The following BRAT1 variants were observed in gnomAD, a reference collection of about 807,000 sequenced individuals.
The protein encoded by BRAT1 is integrator complex assembly factor BRAT1.
BRAT1 carries 74 observed loss-of-function variants against 70.6 expected under a neutral mutation model. The observed-to-expected ratio is 1.05, with a 90% CI of 0.87 to 1.27. The LOEUF is 1.27. Ranked by LOEUF, BRAT1 falls within the 50% of genes most tolerant of loss-of-function variation. The pLI, the probability that BRAT1 is intolerant of heterozygous loss-of-function variation, is 0.00. For missense variants in BRAT1, 1,203 were observed against 1,098.2 expected, an observed-to-expected ratio of 1.10 and a Z score of -1.35; for synonymous variants, 615 against 517.1, an observed-to-expected ratio of 1.19 and a Z score of -2.57.
At chr7:2,552,826 C>A (rs1413001035) in intron 2 of BRAT1, among the ~76,000 whole-genome samples, 5 of 151,808 alleles carry the variant, frequency 3.3e-5, no homozygotes, top group South Asian at 4.2e-4. Context: ...GCAAGCTCTG[C>A]CTCCTGTGTT....
At position 2,543,334 on chromosome 7, in the gene BRAT1, AC is replaced by A; in HGVS notation, c.804-12del. 1.9e-6 allele frequency: 3 copies of A among 1,568,570 alleles called. No individual in the cohort carries two copies. Among genetic ancestry groups the A allele is most frequent in the Non-Finnish European group, 2.6e-6 (3 of 1,157,980 alleles). ...CTGAACACGGGAGAACTGCAGGGAG[AC>A]CCCAGAGAGAAAAATTACTCCCCCA... On this transcript the variant is annotated splice_polypyrimidine_tract_variant and intron_variant, in intron 5 of 13. Coordinates refer to ENST00000340611, the MANE Select transcript of BRAT1 (RefSeq NM_152743.4). The surrounding 1 kb of genome is among the most constrained non-coding windows in gnomAD (Gnocchi z 5.5).
chr7:2,555,463 C>G (rs1252977819), intron 1 of BRAT1, 24 bp downstream of exon 1: 1 of 152,330 alleles, frequency 6.6e-6, no homozygotes, highest in Non-Finnish European at 1.5e-5. Context: ...ACGACCTCGA[C>G]CCCCGAAGGC....
At chr7:2,549,119 G>C (rs1431101214) in intron 2 of BRAT1, among the ~76,000 whole-genome samples, 2 of 152,116 alleles carry the variant, frequency 1.3e-5, no homozygotes, top group Non-Finnish European at 2.9e-5. Context: ...GAGGTCCTTC[G>C]GTTGCCTGGA....
At chr7:2,554,889 C>T (rs1014727049) in intron 1 of BRAT1, among the ~76,000 whole-genome samples, 2 of 152,056 alleles carry the variant, frequency 1.3e-5, no homozygotes, top group African/African-American at 4.8e-5. Flanking sequence ...TCCCTCCCAG[C>T]GTCAAGTGGT....
At chr7:2,552,393 T>C (rs1203108485) in intron 2 of BRAT1, among the ~76,000 whole-genome samples, 3 of 150,710 alleles carry the variant, frequency 2.0e-5, no homozygotes, top group Non-Finnish European at 4.4e-5. Flanking sequence ...GCTGGGATTA[T>C]AGGCATGAAC....
In BRAT1 at chr7:2,538,350, T is replaced by C. The variant is rs1265467353; in HGVS notation, c.2185A>G (p.Lys729Glu). Residue 729 changes from lysine to glutamate, a missense_variant, in exon 14 of 14, where the codon AAG becomes GAG. Lys to Glu is a moderately conservative substitution (Grantham distance 56). Transcript: ENST00000340611. Reference sequence around the variant, plus strand: ...CGCAGGCTGCTGTAGGAAGCAATCTTGTCCCTCAGGAAGAGAAGGAGGTCA... The same window carrying C: ...CGCAGGCTGCTGTAGGAAGCAATCTCGTCCCTCAGGAAGAGAAGGAGGTCA... ...SCDLLLFLRD[K>E]IASYSSLREA... The C allele has an allele frequency of 1.9e-6, 3 of 1,613,342 alleles. No homozygotes were observed. The highest frequency in any genetic ancestry group is 2.5e-6 in the Non-Finnish European group (3 of 1,179,938).
At position 2,544,957 on chromosome 7, in the gene BRAT1, G is replaced by A. The variant is rs770461144; in HGVS notation, c.382C>T (p.Arg128Cys). 96 of 1,560,552 alleles carry A rather than the reference G, an allele frequency of 6.2e-5. No individual in the cohort carries two copies. The highest frequency in any genetic ancestry group is 2.1e-4 in the Admixed American group (11 of 51,514). ...GCGCTGGGGTGCTGTGCCAGGGAGC[G>A]CAGGCCCTGGATCCAGCCGCTGCGC... is the stretch of plus-strand genomic sequence containing the variant. ...TVRSGWIQGL[R>C]SLAQHPSALR... Residue 128 changes from arginine (R) to cysteine (C), a missense_variant, in exon 4 of 14, where the codon CGC (arginine) becomes TGC (cysteine). Coordinates refer to ENST00000340611, the MANE Select transcript of BRAT1 (RefSeq NM_152743.4).
chr7:2,547,239 T>C lies in BRAT1; in HGVS notation c.282+85A>G, dbSNP rs553607338. 132 of 1,532,670 alleles carry C rather than the reference T, an allele frequency of 8.6e-5. No homozygotes were observed. In the Middle Eastern group the frequency reaches 3.5e-3, roughly 41 times the overall value. 94.9% of individuals were successfully genotyped at this position (1,532,670 alleles called of 1,614,324 possible). ...AGGCCGCTGGGACTTGGGATGGTGA[T>C]GGCTACAAATGCCCCACCTGGCTGC... On this transcript the variant is annotated intron_variant, in intron 3 of 13. Transcript: ENST00000340611.
intron 3 of BRAT1, among the ~76,000 whole-genome samples, chr7:2,546,290 A>T (rs146751772): frequency 1.9e-3 from 290 of 152,116 alleles, no homozygotes; most frequent in African/African-American, 6.7e-3. Flanking sequence ...AAGATAACAA[A>T]GTTAGCCAGG....
At chr7:2,544,524 G>A (rs1221299334) in intron 4 of BRAT1, among the ~76,000 whole-genome samples, 1 of 151,920 alleles carries the variant, frequency 6.6e-6, no homozygotes, top group Non-Finnish European at 1.5e-5. Context: ...TTTTTGAGAC[G>A]GGGTCTTGCT....
Position 2,543,027 on chromosome 7 carries a change from A to G in BRAT1, c.923+177T>C. On this transcript the variant is annotated intron_variant, in intron 6 of 13. Transcript: ENST00000340611. The surrounding 1 kb of genome is among the most constrained non-coding windows in gnomAD (Gnocchi z 5.5). ...GGTCTGAAACAATTATTCTGTTGCT[A>G]AAGAACCTTCAGAAGCTGCCGCGCG... is the stretch of plus-strand genomic sequence containing the variant. 3.1e-6 allele frequency: 2 copies of G among 652,630 alleles called. No individual in the cohort carries two copies. Among genetic ancestry groups the G allele is most frequent in the East Asian group, 6.7e-5 (2 of 29,808 alleles). The allele number at this position is 652,630 out of a possible 1,614,324, so 40.4% of individuals were successfully genotyped here.
rs538096996 is a variant in BRAT1 at position 2,539,726 on chromosome 7, C to A, written c.1498+60G>T. 380 of 1,557,280 alleles carry A rather than the reference C, an allele frequency of 2.4e-4. 1 individual carries two copies. The African/African-American group carries it at 4.8e-3, about 20-fold the overall frequency. On this transcript the variant is annotated intron_variant, in intron 11 of 13. Coordinates refer to ENST00000340611, the MANE Select transcript of BRAT1 (RefSeq NM_152743.4). ...AGCCAGCTGAGCCATTCCACCCAGC[C>A]CCTGCTGCCTCCACCCCTGCGACTC...
intron 4 of BRAT1, chr7:2,544,196 T>C (rs902514929): frequency 2.9e-6 from 1 of 345,922 alleles, no homozygotes; most frequent in Admixed American, 5.5e-5. Context: ...CGTTCCTTCT[T>C]GTTGTTTTTT....
rs1778954470 is a variant in BRAT1 at position 2,539,299 on chromosome 7, G to C, written c.1650C>G (p.Ala550=). 9 of 1,611,948 alleles carry C rather than the reference G, an allele frequency of 5.6e-6. No individual in the cohort carries two copies. Among genetic ancestry groups the C allele is most frequent in the Non-Finnish European group, 7.6e-6 (9 of 1,179,820 alleles). Residue 550 remains alanine, a synonymous_variant, in exon 13 of 14, where the codon GCC becomes GCG. Transcript: ENST00000340611. Reference sequence around the variant, plus strand: ...TCTCAGGGTCCTGGAGGAGCTGCAGGGCCAGCTGAGGCACCTCTGAAGCCA... The same window carrying C: ...TCTCAGGGTCCTGGAGGAGCTGCAGCGCCAGCTGAGGCACCTCTGAAGCCA... The part of the protein sequence containing the change: ...ALLASEVPQL[A]LQLLQDPESY...
At chr7:2,555,072 T>C (rs1428678752) in intron 1 of BRAT1, among the ~76,000 whole-genome samples, 1 of 106,008 alleles carries the variant, frequency 9.4e-6, no homozygotes, top group African/African-American at 3.7e-5. Flanking sequence ...CCAGGATTAG[T>C]GGTGGCTGCA....
At position 2,544,208 on chromosome 7, in the gene BRAT1, T is replaced by TTTTG. The variant is rs1161745900; in HGVS notation, c.431-247_431-246insCAAA. Reference sequence around the variant, plus strand: ...ATTCGTTCCTTCTTGTTGTTTTTTTTTTTTTTTTTTTTGAGACAGAGTCTT... The same window carrying TTTTG: ...ATTCGTTCCTTCTTGTTGTTTTTTTTTTTGTTTTTTTTTTTTGAGACAGAGTCTT... On this transcript the variant is annotated intron_variant, in intron 4 of 13. Coordinates refer to ENST00000340611, the MANE Select transcript of BRAT1 (RefSeq NM_152743.4). 8.9e-5 allele frequency: 33 copies of TTTTG among 372,424 alleles called. 1 individual carries two copies. The highest frequency in any genetic ancestry group is 7.4e-4 in the African/African-American group (33 of 44,644). 23.1% of individuals were successfully genotyped at this position (372,424 alleles called of 1,614,324 possible).
At chr7:2,538,836 T>A in intron 13 of BRAT1, 72 bp from the exon 14 acceptor site, 1 of 1,571,588 alleles carries the variant, frequency 6.4e-7, no homozygotes, top group Non-Finnish European at 8.6e-7. Flanking sequence ...AGGACTCCGG[T>A]ACATGATGGG....
Position 2,539,231 on chromosome 7 carries a change from G to C in BRAT1, c.1718C>G (p.Ser573Cys). 1.2e-6 allele frequency: 2 copies of C among 1,611,036 alleles called. No homozygotes were observed. The highest frequency in any genetic ancestry group is 1.7e-6 in the Non-Finnish European group (2 of 1,179,766). Residue 573 changes from serine to cysteine, a missense_variant, in exon 13 of 14, where the codon TCC becomes TGC. Ser to Cys is a moderately radical substitution (Grantham distance 112). Transcript: ENST00000340611. ...ASAVTAMGQL[S>C]SQGLHAPTSP... is the part of the protein sequence containing the mutation. ...GGTGGGGGCGTGCAGGCCCTGGCTG[G>C]ACAGCTGCCCCATGGCGGTCACTGC...
chr7:2,538,247 G>T lies in BRAT1; in HGVS notation c.2288C>A (p.Pro763His). The change falls in exon 14 of 14, where the codon CCC becomes CAC. Residue 763 changes from proline (P) to histidine (H), a missense_variant. Coordinates refer to ENST00000340611, the MANE Select transcript of BRAT1 (RefSeq NM_152743.4). ...AGCCTCAGGCTCCTGGTCCCCTGGG[G>T]GCTGGGCCTGCTCACCCGCCCGCCA... ...PRWRAGEQAQ[P>H]PGDQEPEAVL... 1 of 1,610,506 alleles carries T rather than the reference G, an allele frequency of 6.2e-7. No individual in the cohort carries two copies.
Sources: allele counts gnomAD v4.1 joint callset (sites outside exome capture counted in the v4.1 genomes callset), GRCh38; gene constraint gnomAD v4.1.1; non-coding constraint Gnocchi (gnomAD v3.1); transcripts MANE v1.5; gene names NCBI Gene and HGNC (gene_info 2026-07-23, HGNC 2026-07-21).